TRIO: variants seen among roughly 807,000 people sequenced by gnomAD.
TRIO encodes triple functional domain protein.
Under a neutral mutation model 351.9 loss-of-function variants are expected in TRIO, and 58 were observed. That is an observed-to-expected ratio of 0.16 (90% confidence interval 0.13 to 0.21). The LOEUF (loss-of-function observed/expected upper bound fraction) is 0.21, where lower values mean the gene tolerates loss of function less well. Ranked by LOEUF, TRIO falls within the 10% of genes least tolerant of loss-of-function variation. The probability of loss-of-function intolerance (pLI) is 1.00; values close to 1 mark genes in which losing one functional copy is unlikely to be tolerated. For missense variants in TRIO, 3,201 were observed against 4,027.8 expected, an observed-to-expected ratio of 0.79 and a Z score of 5.56; for synonymous variants, 1,758 against 1,595.7, an observed-to-expected ratio of 1.10 and a Z score of -2.42.
chr5:14,187,994 G>T (rs1038485988), intron 1 of TRIO, among the ~76,000 whole-genome samples: 1 of 152,214 alleles, frequency 6.6e-6, no homozygotes, highest in Admixed American at 6.5e-5. Context: ...GGGAAACCCG[G>T]ATGTCTTTGC....
intron 7 of TRIO, among the ~76,000 whole-genome samples, chr5:14,302,425 ATAATT>A (rs1355546712): frequency 6.6e-6 from 1 of 152,224 alleles, no homozygotes; most frequent in Non-Finnish European, 1.5e-5. Flanking sequence ...TTGAAAAACA[ATAATT>A]TAATAATTGG....
At chr5:14,479,497 C>G (rs950699019) in intron 42 of TRIO, 147 bp downstream of exon 42, 10 of 677,300 alleles carry the variant, frequency 1.5e-5, no homozygotes, top group African/African-American at 5.5e-5. Context: ...TTCTTTCTTT[C>G]CTGTAAATCA....
chr5:14,440,938 G>T (rs890766919), intron 34 of TRIO: 4 of 152,232 alleles, frequency 2.6e-5, no homozygotes, highest in African/African-American at 9.7e-5. Flanking sequence ...GCTCCAATTA[G>T]AGTCAGTGTG....
chr5:14,287,459 A>G (rs542405333), intron 4 of TRIO, among the ~76,000 whole-genome samples: 75 of 152,224 alleles, frequency 4.9e-4, no homozygotes, highest in Non-Finnish European at 9.7e-4. Flanking sequence ...AGAAATGCCC[A>G]ACTTCAGAGT....
In TRIO at chr5:14,398,887, T is replaced by G. The variant is rs1338354694; in HGVS notation, c.4431T>G (p.Asp1477Glu). 6.2e-7 allele frequency: 1 copy of G among 1,611,898 alleles called. No individual in the cohort carries two copies. The change falls in exon 30 of 57, where the codon GAT (aspartate) becomes GAG (glutamate). Residue 1477 changes from aspartate to glutamate, a missense_variant. Physicochemically the swap from Asp to Glu is conservative, Grantham distance 45. This residue lies in a region of TRIO where 115 missense variants were observed against 239.6 expected (regional missense o/e 0.48). Transcript: ENST00000344204. The stretch of plus-strand genomic sequence containing the variant: ...CCTTTTTTCATGTTGTAGGGTTTGA[T>G]GAAAACATTGAGTCTCAGGGAGAAC... ...AMHLSMLEGF[D>E]ENIESQGELI...
In TRIO at chr5:14,369,449, G is replaced by T. The variant is rs1277867380; in HGVS notation, c.3142G>T (p.Gly1048Cys). The T allele has an allele frequency of 6.2e-7, 1 of 1,614,148 alleles. No homozygotes were observed. Among genetic ancestry groups the T allele is most frequent in the Non-Finnish European group, 8.5e-7 (1 of 1,180,026 alleles). ...CTGGTGTGGCGGGGCGGATAAGCTG[G>T]GCCCAAACTCTGAGACGGACCACGT... ...EDWCGGADKL[G>C]PNSETDHVTP... Residue 1048 changes from glycine (G) to cysteine (C), a missense_variant, in exon 18 of 57, where the codon GGC (glycine) becomes TGC (cysteine). Gly to Cys is a radical substitution (Grantham distance 159). Coordinates refer to ENST00000344204, the MANE Select transcript of TRIO (RefSeq NM_007118.4).
intron 1 of TRIO, among the ~76,000 whole-genome samples, chr5:14,147,021 G>T (rs554948467): frequency 3.3e-5 from 5 of 152,332 alleles, no homozygotes; most frequent in Middle Eastern, 3.4e-3. Context: ...TTGTAATAAT[G>T]TGAGTCAAGT....
Position 14,487,504 on chromosome 5 carries a change from GGGCGGCGGCGGCGGC to G in TRIO, c.6880_6894del (p.Gly2294_Gly2298del). ...TCGAGTACCAGAGGAACCACAGCGGGGGCGGCGGCGGCGGCGGCAGCGGGGGCAGCGGCGGGGGTG... is the reference window on the plus strand; with the variant it reads ...TCGAGTACCAGAGGAACCACAGCGGGGGCAGCGGGGGCAGCGGCGGGGGTG... On this transcript the variant is annotated inframe_deletion, in exon 48 of 57. Transcript: ENST00000344204. 9.2e-7 allele frequency: 1 copy of G among 1,083,306 alleles called. No homozygotes were observed. Among genetic ancestry groups the G allele is most frequent in the Non-Finnish European group, 1.1e-6 (1 of 876,604 alleles). 67.1% of individuals were successfully genotyped at this position (1,083,306 alleles called of 1,614,324 possible).
intron 6 of TRIO, among the ~76,000 whole-genome samples, chr5:14,294,222 G>T (rs981438258): frequency 6.6e-6 from 1 of 151,962 alleles, no homozygotes; most frequent in Non-Finnish European, 1.5e-5. Flanking sequence ...ATGAAGACAG[G>T]GTTTTTGTTT....
intron 1 of TRIO, among the ~76,000 whole-genome samples, chr5:14,215,904 T>G (rs1272992075): frequency 6.6e-6 from 1 of 152,254 alleles, no homozygotes; most frequent in Non-Finnish European, 1.5e-5. Context: ...AAAATTTTCT[T>G]TAGCGATTAA....
At chr5:14,293,522 G>A (rs1317932506) in intron 6 of TRIO, among the ~76,000 whole-genome samples, 6 of 152,196 alleles carry the variant, frequency 3.9e-5, no homozygotes, top group Non-Finnish European at 8.8e-5. Context: ...TCATGACAGC[G>A]AAAGGAGCAA....
intron 34 of TRIO, among the ~76,000 whole-genome samples, chr5:14,440,537 G>T (rs948264986): frequency 6.6e-6 from 1 of 152,238 alleles, no homozygotes; most frequent in Non-Finnish European, 1.5e-5. Context: ...GAACTTCTAA[G>T]ATACGCTTTC....
In TRIO at chr5:14,462,924, A is replaced by G. The variant is rs761799560; in HGVS notation, c.5666A>G (p.Lys1889Arg). Reference sequence around the variant, plus strand: ...CTCCAGCCAGACTCACAGGATGACAAGGTAAAGGGGGATGAGGGCTGGGGA... The same window carrying G: ...CTCCAGCCAGACTCACAGGATGACAGGGTAAAGGGGGATGAGGGCTGGGGA... ...SLLQPDSQDDKASSRLLVRPT... is the reference protein window; with the variant it reads ...SLLQPDSQDDRASSRLLVRPT... Residue 1889 changes from lysine (K) to arginine (R), a missense_variant and splice_region_variant, in exon 36 of 57, where the codon AAG (lysine) becomes AGG (arginine). This residue lies in a region of TRIO where 307 missense variants were observed against 396.5 expected (regional missense o/e 0.77). Transcript: ENST00000344204. 6.3e-7 allele frequency: 1 copy of G among 1,586,824 alleles called. No individual in the cohort carries two copies. The highest frequency in any genetic ancestry group is 8.6e-7 in the Non-Finnish European group (1 of 1,167,606).
intron 1 of TRIO, among the ~76,000 whole-genome samples, chr5:14,263,916 TGCATA>T (rs1795498479): frequency 6.6e-6 from 1 of 152,206 alleles, no homozygotes; most frequent in African/African-American, 2.4e-5. Context: ...GTTTTCTCTG[TGCATA>T]GCTCTGTGCT....
intron 1 of TRIO, among the ~76,000 whole-genome samples, chr5:14,248,489 A>G (rs1398439543): frequency 6.6e-6 from 1 of 152,228 alleles, no homozygotes; most frequent in African/African-American, 2.4e-5. Context: ...GACTGTGTGG[A>G]TTAAATACAC....
At chr5:14,472,970 A>G (rs1449591731) in intron 39 of TRIO, among the ~76,000 whole-genome samples, 2 of 152,246 alleles carry the variant, frequency 1.3e-5, no homozygotes, top group East Asian at 3.8e-4. Flanking sequence ...TGTAGTTAGT[A>G]GACAGGAATC....
At chr5:14,198,144 C>T (rs1284243551) in intron 1 of TRIO, among the ~76,000 whole-genome samples, 1 of 152,182 alleles carries the variant, frequency 6.6e-6, no homozygotes, top group Non-Finnish European at 1.5e-5. Context: ...TCCTACCACT[C>T]TTACTGTTAA....
intron 1 of TRIO, among the ~76,000 whole-genome samples, chr5:14,163,818 A>G (rs1296804412): frequency 6.6e-6 from 1 of 152,220 alleles, no homozygotes; most frequent in Non-Finnish European, 1.5e-5. Context: ...TAACACAACT[A>G]TTTCATATGG....
intron 21 of TRIO, among the ~76,000 whole-genome samples, chr5:14,386,407 G>A (rs150728938): frequency 1.2e-3 from 185 of 152,324 alleles, no homozygotes; most frequent in Non-Finnish European, 2.1e-3. Context: ...AGGTTACCCA[G>A]TGAATTATGG....
Sources: gnomAD v4.1 joint callset for allele counts (sites outside exome capture counted in the v4.1 genomes callset) on GRCh38, gnomAD v4.1.1 for gene constraint, gnomAD v4.1.1 regional missense constraint, MANE v1.5 for transcripts, NCBI Gene and HGNC (gene_info 2026-07-23, HGNC 2026-07-21) for gene names.